The following AFF3 variants were observed in gnomAD, a reference collection of about 807,000 sequenced individuals.
AFF3 encodes AF4/FMR2 family member 3.
In AFF3, 32 loss-of-function variants were observed where a neutral mutation model predicts 129.7. The ratio of observed to expected loss-of-function variants is 0.25; its 90% CI spans 0.19 to 0.33. AFF3 has a LOEUF of 0.33. Among genes scored for constraint, AFF3 ranks in the 10% least tolerant of loss-of-function variants. AFF3 has a pLI of 1.00. For synonymous variants in AFF3, 644 were observed against 635.4 expected, an observed-to-expected ratio of 1.01 and a Z score of -0.20; for missense variants, 1,373 against 1,592.0, an observed-to-expected ratio of 0.86 and a Z score of 2.34.
At position 99,548,356 on chromosome 2, in the gene AFF3, C is replaced by G. The variant is rs1559459088; in HGVS notation, c.*3118G>C. 1 of 200,944 alleles carries G rather than the reference C, an allele frequency of 5.0e-6. No homozygotes were observed. The highest frequency in any genetic ancestry group is 1.0e-5 in the Non-Finnish European group (1 of 97,502). 12.4% of individuals were successfully genotyped at this position (200,944 alleles called of 1,614,324 possible). ...GGCAGAAGGGACAACCAGGGACTTA[C>G]ACTTTCTACTTTCTACATTTCTGCA... is the stretch of plus-strand genomic sequence containing the variant. On this transcript the variant is annotated 3_prime_UTR_variant, in exon 25 of 25. Coordinates refer to ENST00000672756, the MANE Select transcript of AFF3 (RefSeq NM_001386135.1).
At chr2:100,006,141 T>A (rs1280413769) in intron 7 of AFF3, 1 of 152,576 alleles carries the variant, frequency 6.6e-6, no homozygotes, top group East Asian at 1.9e-4. Context: ...TAAAAACTAT[T>A]ATGAGGTTTA....
intron 15 of AFF3, among the ~76,000 whole-genome samples, chr2:99,591,394 C>G (rs1227029765): frequency 2.0e-5 from 3 of 152,062 alleles, no homozygotes; most frequent in Non-Finnish European, 4.4e-5. Context: ...ACCATGTTGT[C>G]CAGGCTGGTC....
chr2:99,915,662 TCA>T (rs1384800850), intron 7 of AFF3, among the ~76,000 whole-genome samples: 1 of 152,172 alleles, frequency 6.6e-6, no homozygotes, highest in Non-Finnish European at 1.5e-5. Context: ...TCCCACATTT[TCA>T]CTTTGCACTG....
At chr2:99,891,859 G>A (rs1422628683) in intron 7 of AFF3, among the ~76,000 whole-genome samples, 1 of 149,874 alleles carries the variant, frequency 6.7e-6, no homozygotes, top group African/African-American at 2.5e-5. Flanking sequence ...GTCTCGCTCT[G>A]TTGCCCAGGC....
chr2:99,936,473 G>A (rs149166229), intron 7 of AFF3, among the ~76,000 whole-genome samples: 181 of 152,242 alleles, frequency 1.2e-3, no homozygotes, highest in African/African-American at 3.7e-3. Flanking sequence ...GATTAGAGAG[G>A]AAAGGCGTTC....
chr2:99,741,332 C>A (rs1680702429), intron 10 of AFF3, among the ~76,000 whole-genome samples: 1 of 152,122 alleles, frequency 6.6e-6, no homozygotes, highest in Non-Finnish European at 1.5e-5. Flanking sequence ...ATTGTCTCAG[C>A]CCAAAATCTC....
intron 4 of AFF3, among the ~76,000 whole-genome samples, chr2:100,044,815 C>T (rs534992418): frequency 6.6e-6 from 1 of 152,024 alleles, no homozygotes; most frequent in East Asian, 2.0e-4. Context: ...CGTTTAGAGG[C>T]CCCATCAAAC....
intron 11 of AFF3, among the ~76,000 whole-genome samples, chr2:99,719,920 C>T (rs550402550): frequency 2.0e-5 from 3 of 152,250 alleles, no homozygotes; most frequent in African/African-American, 7.2e-5. Flanking sequence ...GCCTGTAGTC[C>T]CAGCTACTCA....
At chr2:100,062,018 T>G (rs1013364581) in intron 4 of AFF3, among the ~76,000 whole-genome samples, 1 of 152,260 alleles carries the variant, frequency 6.6e-6, no homozygotes, top group South Asian at 2.1e-4. Flanking sequence ...GGGAAGGACC[T>G]GAACTGCATT....
chr2:100,055,496 A>G (rs980808602), intron 4 of AFF3, among the ~76,000 whole-genome samples: 6 of 152,030 alleles, frequency 3.9e-5, no homozygotes, highest in Admixed American at 6.6e-5. Flanking sequence ...AAAGAAAAGA[A>G]AGAAAAATGC....
At chr2:99,875,688 TGA>T (rs1367172124) in intron 7 of AFF3, among the ~76,000 whole-genome samples, 1 of 152,108 alleles carries the variant, frequency 6.6e-6, no homozygotes, top group Non-Finnish European at 1.5e-5. Context: ...TGACAATATG[TGA>T]ATGAGTGGAT....
intron 14 of AFF3, among the ~76,000 whole-genome samples, chr2:99,600,152 T>C (rs191133225): frequency 3.3e-5 from 5 of 152,182 alleles, no homozygotes; most frequent in Admixed American, 2.6e-4. Context: ...GATGGATAAA[T>C]AGATGGATAG....
chr2:99,756,406 C>T (rs192044255), intron 8 of AFF3, among the ~76,000 whole-genome samples: 43 of 152,380 alleles, frequency 2.8e-4, no homozygotes, highest in Admixed American at 8.5e-4. Flanking sequence ...CCTCCTATGG[C>T]ACTGAATAAA....
chr2:99,946,688 T>C (rs991542832), intron 7 of AFF3, among the ~76,000 whole-genome samples: 6 of 151,850 alleles, frequency 4.0e-5, no homozygotes, highest in African/African-American at 9.7e-5. Flanking sequence ...CAATAATAAA[T>C]AGGAATTAGG....
chr2:100,001,931 A>C (rs1299362620), intron 7 of AFF3, among the ~76,000 whole-genome samples: 2 of 152,218 alleles, frequency 1.3e-5, no homozygotes, highest in Non-Finnish European at 2.9e-5. Flanking sequence ...CCACGTTCTA[A>C]GCGGACGGAA....
intron 15 of AFF3, among the ~76,000 whole-genome samples, chr2:99,589,899 C>T (rs571822177): frequency 2.8e-4 from 42 of 152,346 alleles, no homozygotes; most frequent in African/African-American, 9.4e-4. Flanking sequence ...CATTCTTTCA[C>T]AGTCTCTGTC....
intron 7 of AFF3, among the ~76,000 whole-genome samples, chr2:99,993,190 A>G (rs941366835): frequency 2.6e-5 from 4 of 152,204 alleles, no homozygotes; most frequent in Non-Finnish European, 5.9e-5. Context: ...AGCCACTGTT[A>G]TTTGGAATCT....
intron 7 of AFF3, among the ~76,000 whole-genome samples, chr2:99,893,874 G>C (rs999899783): frequency 2.3e-4 from 35 of 152,146 alleles, no homozygotes; most frequent in African/African-American, 8.2e-4. Context: ...TCTGGGTTCA[G>C]ACTACTTGAG....
At chr2:99,729,325 G>C (rs141163508) in intron 10 of AFF3, among the ~76,000 whole-genome samples, 1 of 152,170 alleles carries the variant, frequency 6.6e-6, no homozygotes, top group Admixed American at 6.5e-5. Context: ...GGACAGATGC[G>C]CAGCTGATTA....
Sources: allele counts gnomAD v4.1 joint callset (sites outside exome capture counted in the v4.1 genomes callset), GRCh38; gene constraint gnomAD v4.1.1; transcripts MANE v1.5; gene names NCBI Gene and HGNC (gene_info 2026-07-23, HGNC 2026-07-21).